The following TRPM3 variants were observed in gnomAD, a reference collection of about 807,000 sequenced individuals.
TRPM3 encodes the protein transient receptor potential cation channel subfamily M member 3.
In TRPM3, 77 loss-of-function variants were observed where a neutral mutation model predicts 181.2. The observed-to-expected ratio is 0.42, with a 90% CI of 0.35 to 0.51. The LOEUF (loss-of-function observed/expected upper bound fraction) is 0.51. TRPM3 is among the 20% of genes least tolerant of loss of function. TRPM3 has a pLI of 0.01. For missense variants in TRPM3, 1,759 were observed against 2,196.7 expected (o/e 0.80, Z 3.98); for synonymous variants, 745 against 796.4 (o/e 0.94, Z 1.09).
intron 1 of TRPM3, among the ~76,000 whole-genome samples, chr9:71,348,143 G>A (rs2091397738): frequency 2.0e-5 from 3 of 152,154 alleles, no homozygotes; most frequent in African/African-American, 7.2e-5. Flanking sequence ...GCCCTATTGA[G>A]AATTTAAAAG....
chr9:71,437,773 C>T (rs1367610759), intron 1 of TRPM3, among the ~76,000 whole-genome samples: 1 of 148,888 alleles, frequency 6.7e-6, no homozygotes, highest in African/African-American at 2.5e-5. Context: ...GAGGCTGAGG[C>T]AGGAGACTCA....
intron 1 of TRPM3, among the ~76,000 whole-genome samples, chr9:70,942,537 C>A (rs2096896111): frequency 6.6e-6 from 1 of 152,200 alleles, no homozygotes; most frequent in African/African-American, 2.4e-5. Flanking sequence ...TTTCACTGTA[C>A]AAGGCTTCTT....
rs115052508 is a variant in TRPM3 at position 70,860,744 on chromosome 9, G to A, written c.462+2164C>T. On this transcript the variant is annotated intron_variant, in intron 3 of 25. Transcript: ENST00000677713. The stretch of plus-strand genomic sequence containing the variant: ...GTCTTTCGAAGTATTTAGTCAAAAT[G>A]TTTTTGCAATTTCTTTCAGAGACTG... Among the ~76,000 whole-genome samples the A allele has an allele frequency of 2.1e-3, 322 of 152,254 alleles. 1 individual carries two copies. Among genetic ancestry groups the A allele is most frequent in the African/African-American group, 7.6e-3 (316 of 41,566 alleles).
At chr9:71,014,643 A>G (rs1263381238) in intron 1 of TRPM3, among the ~76,000 whole-genome samples, 1 of 152,104 alleles carries the variant, frequency 6.6e-6, no homozygotes, top group African/African-American at 2.4e-5. Context: ...TATGCTGACT[A>G]ATATCAAGAT....
intron 1 of TRPM3, among the ~76,000 whole-genome samples, chr9:71,394,672 C>T (rs1402608791): frequency 6.6e-6 from 1 of 152,120 alleles, no homozygotes; most frequent in African/African-American, 2.4e-5. Flanking sequence ...GTATGATCTG[C>T]CTATGTCACA....
chr9:70,962,210 G>A (rs972550730), intron 1 of TRPM3, among the ~76,000 whole-genome samples: 1 of 152,112 alleles, frequency 6.6e-6, no homozygotes, highest in African/African-American at 2.4e-5. Flanking sequence ...GCCAGGTAGT[G>A]AGGGTGTTTC....
chr9:70,854,510 A>C (rs1038554045), intron 3 of TRPM3, among the ~76,000 whole-genome samples: 2 of 152,208 alleles, frequency 1.3e-5, no homozygotes, highest in African/African-American at 4.8e-5. Flanking sequence ...TAACAGGTCC[A>C]AGTAACTTGC....
intron 1 of TRPM3, among the ~76,000 whole-genome samples, chr9:70,881,329 A>G (rs1188451078): frequency 6.6e-6 from 1 of 152,050 alleles, no homozygotes; most frequent in Non-Finnish European, 1.5e-5. Flanking sequence ...CTAAATGTCA[A>G]TTTTCTTCGG....
intron 1 of TRPM3, among the ~76,000 whole-genome samples, chr9:71,282,392 GAAA>G (rs2084907916): frequency 1.6e-5 from 2 of 122,954 alleles, no homozygotes; most frequent in Admixed American, 7.4e-5. Flanking sequence ...AGAAAGGAAA[GAAA>G]GAAAGGAAAA....
chr9:70,671,930 A>T (rs113149264), intron 9 of TRPM3, among the ~76,000 whole-genome samples: 22,092 of 141,478 alleles, frequency 0.16, 2,250 homozygotes, highest in East Asian at 0.4. Flanking sequence ...TGTCCAGCTA[A>T]TTTTTTTTTT....
At chr9:71,213,651 T>C (rs575839736) in intron 1 of TRPM3, among the ~76,000 whole-genome samples, 134 of 152,290 alleles carry the variant, frequency 8.8e-4, no homozygotes, top group Non-Finnish European at 1.5e-3. Flanking sequence ...CTTCATCTTT[T>C]TAAAAAAGAG....
intron 1 of TRPM3, among the ~76,000 whole-genome samples, chr9:71,299,655 G>A (rs1159524183): frequency 6.6e-6 from 1 of 152,116 alleles, no homozygotes; most frequent in Non-Finnish European, 1.5e-5. Context: ...ATTCTGAAAT[G>A]TGTCTCTCAG....
At chr9:71,339,276 A>C (rs895569951) in intron 1 of TRPM3, among the ~76,000 whole-genome samples, 1 of 152,166 alleles carries the variant, frequency 6.6e-6, no homozygotes, top group Non-Finnish European at 1.5e-5. Context: ...GTTAATTCAT[A>C]AACTTAATGT....
chr9:70,794,218 G>C (rs2086413565), intron 6 of TRPM3, among the ~76,000 whole-genome samples: 1 of 152,094 alleles, frequency 6.6e-6, no homozygotes, highest in Non-Finnish European at 1.5e-5. Context: ...TGGGAAGACT[G>C]TTTACTATAT....
At chr9:71,274,345 A>G (rs534926923) in intron 1 of TRPM3, among the ~76,000 whole-genome samples, 44 of 152,324 alleles carry the variant, frequency 2.9e-4, no homozygotes, top group African/African-American at 1.0e-3. Flanking sequence ...GGTAAGACTT[A>G]AGAGGCTCTG....
chr9:71,309,699 T>C (rs2132389565), intron 1 of TRPM3, among the ~76,000 whole-genome samples: 1 of 152,280 alleles, frequency 6.6e-6, no homozygotes, highest in South Asian at 2.1e-4. Flanking sequence ...TTTCATTATT[T>C]CCATTTTCTT....
chr9:71,165,340 C>T (rs929500450), intron 1 of TRPM3, among the ~76,000 whole-genome samples: 2 of 152,076 alleles, frequency 1.3e-5, no homozygotes, highest in African/African-American at 4.8e-5. Context: ...ATTATTACTG[C>T]TGTTTTGTTA....
intron 1 of TRPM3, among the ~76,000 whole-genome samples, chr9:71,140,335 T>C (rs986098251): frequency 6.6e-6 from 1 of 152,160 alleles, no homozygotes; most frequent in Non-Finnish European, 1.5e-5. Flanking sequence ...AGAGATGTGA[T>C]CAGCCCAGTC....
chr9:71,341,156 A>C (rs1450744460), intron 1 of TRPM3, among the ~76,000 whole-genome samples: 1 of 152,210 alleles, frequency 6.6e-6, no homozygotes, highest in African/African-American at 2.4e-5. Context: ...ATAGGAAGAA[A>C]GAGGAAAGTA....
Sources: gnomAD v4.1 joint callset for allele counts (sites outside exome capture counted in the v4.1 genomes callset) on GRCh38, gnomAD v4.1.1 for gene constraint, MANE v1.5 for transcripts, NCBI Gene and HGNC (gene_info 2026-07-23, HGNC 2026-07-21) for gene names.